CDH12: variants seen among roughly 807,000 people sequenced by gnomAD.
CDH12 encodes the protein cadherin 12, also known as cadherin-12.
Under a neutral mutation model 74.1 loss-of-function variants are expected in CDH12, and 41 were observed. The observed-to-expected ratio is 0.55, with a 90% CI of 0.43 to 0.72. The LOEUF (loss-of-function observed/expected upper bound fraction) is 0.72. CDH12 is among the 30% of genes least tolerant of loss of function. The probability of loss-of-function intolerance (pLI) is 0.00; values close to 1 mark genes in which losing one functional copy is unlikely to be tolerated. For missense variants in CDH12, 945 were observed against 977.2 expected, an observed-to-expected ratio of 0.97 and a Z score of 0.44; for synonymous variants, 399 against 355.0, an observed-to-expected ratio of 1.12 and a Z score of -1.39.
chr5:22,813,267 A>G (rs1749234923), intron 1 of CDH12, among the ~76,000 whole-genome samples: 1 of 152,176 alleles, frequency 6.6e-6, no homozygotes, highest in Admixed American at 6.5e-5. Flanking sequence ...TATCTTGGAC[A>G]GATTCCAAAT....
intron 1 of CDH12, among the ~76,000 whole-genome samples, chr5:22,777,123 A>G (rs1747143053): frequency 6.6e-6 from 1 of 152,086 alleles, no homozygotes; most frequent in African/African-American, 2.4e-5. Flanking sequence ...CTAGATAGCT[A>G]TGAGCTACCC....
intron 9 of CDH12, among the ~76,000 whole-genome samples, chr5:21,813,737 C>T (rs1747883458): frequency 6.6e-6 from 1 of 152,116 alleles, no homozygotes; most frequent in African/African-American, 2.4e-5. Context: ...ACTCACATCA[C>T]CCAAATACCA....
intron 3 of CDH12, among the ~76,000 whole-genome samples, chr5:22,328,220 A>T (rs867636308): frequency 3.0e-4 from 46 of 152,266 alleles, no homozygotes; most frequent in African/African-American, 6.0e-4. Context: ...TCAGTTTTTT[A>T]AAAAAATATA....
chr5:22,284,117 A>G (rs1737033870), intron 3 of CDH12, among the ~76,000 whole-genome samples: 1 of 152,214 alleles, frequency 6.6e-6, no homozygotes, highest in Non-Finnish European at 1.5e-5. Flanking sequence ...TCGATGTGAC[A>G]GAGTATAAAA....
intron 1 of CDH12, among the ~76,000 whole-genome samples, chr5:22,667,729 A>T (rs1351351060): frequency 6.6e-6 from 1 of 152,234 alleles, no homozygotes; most frequent in Admixed American, 6.5e-5. Flanking sequence ...TAAAAGCTTC[A>T]TGGAATTTTA....
chr5:22,810,464 C>T (rs1238482681), intron 1 of CDH12, among the ~76,000 whole-genome samples: 3 of 151,852 alleles, frequency 2.0e-5, no homozygotes, highest in Non-Finnish European at 4.4e-5. Flanking sequence ...CACTTTTATT[C>T]TCCCAGTGAA....
intron 3 of CDH12, among the ~76,000 whole-genome samples, chr5:22,246,116 A>T (rs1246761939): frequency 3.9e-5 from 6 of 152,202 alleles, no homozygotes; most frequent in African/African-American, 9.6e-5. Flanking sequence ...CAACAAAATT[A>T]TACAGTGGAT....
At chr5:22,789,035 A>G (rs1160671845) in intron 1 of CDH12, among the ~76,000 whole-genome samples, 4 of 152,092 alleles carry the variant, frequency 2.6e-5, no homozygotes, top group Non-Finnish European at 5.9e-5. Flanking sequence ...ATCAATAAGT[A>G]TTAGTCAAAT....
intron 1 of CDH12, among the ~76,000 whole-genome samples, chr5:22,625,515 G>C (rs1580828308): frequency 6.6e-6 from 1 of 152,160 alleles, no homozygotes; most frequent in Non-Finnish European, 1.5e-5. Context: ...CAAAGAATTT[G>C]GTTCAGGAAG....
intron 3 of CDH12, among the ~76,000 whole-genome samples, chr5:22,269,416 T>C (rs1056179688): frequency 2.6e-5 from 4 of 152,150 alleles, no homozygotes; most frequent in African/African-American, 9.7e-5. Flanking sequence ...ATTTTATTCA[T>C]GTGTTGTATA....
chr5:22,648,865 A>C (rs1309618054), intron 1 of CDH12, among the ~76,000 whole-genome samples: 1 of 151,996 alleles, frequency 6.6e-6, no homozygotes, highest in Non-Finnish European at 1.5e-5. Flanking sequence ...TAAGCAGAGA[A>C]TTATTTTTCT....
intron 6 of CDH12, among the ~76,000 whole-genome samples, chr5:21,895,838 A>G (rs925972559): frequency 2.0e-5 from 3 of 152,174 alleles, no homozygotes; most frequent in Non-Finnish European, 4.4e-5. Flanking sequence ...TACAGATAGG[A>G]AGATCCCCCA....
intron 3 of CDH12, among the ~76,000 whole-genome samples, chr5:22,295,559 A>C (rs910231093): frequency 1.3e-5 from 2 of 152,190 alleles, no homozygotes; most frequent in Non-Finnish European, 2.9e-5. Context: ...GAATATGAAC[A>C]AATATTTTTA....
intron 1 of CDH12, among the ~76,000 whole-genome samples, chr5:22,543,998 A>G (rs2126723106): frequency 6.6e-6 from 1 of 152,272 alleles, no homozygotes; most frequent in Admixed American, 6.5e-5. Context: ...CTCTTAGTCA[A>G]AAATCAAAGA....
Position 22,144,939 on chromosome 5 carries a change from T to C in CDH12, c.-186-66077A>G, listed in dbSNP as rs181859809. Among the ~76,000 whole-genome samples, 258 of 152,206 alleles carry C rather than the reference T, an allele frequency of 1.7e-3. 3 individuals are homozygous for C. Among genetic ancestry groups the C allele is most frequent in the African/African-American group, 6.1e-3 (254 of 41,562 alleles). On this transcript the variant is annotated intron_variant, in intron 4 of 14. Coordinates refer to ENST00000382254, the MANE Select transcript of CDH12 (RefSeq NM_004061.5). ...AGAGTCAAATCAGATTTCGGCAATG[T>C]TGTAGAATTTAACTGAATGCCCAGA...
chr5:22,379,879 A>T (rs1741686789), intron 3 of CDH12, among the ~76,000 whole-genome samples: 1 of 152,126 alleles, frequency 6.6e-6, no homozygotes, highest in South Asian at 2.1e-4. Context: ...TCAGCCTTCC[A>T]AGTAATTAGA....
intron 2 of CDH12, among the ~76,000 whole-genome samples, chr5:22,502,188 G>T (rs971021715): frequency 1.3e-5 from 2 of 152,152 alleles, no homozygotes; most frequent in South Asian, 4.1e-4. Context: ...GAGGCACCCA[G>T]TGGGAGGTAA....
At chr5:22,032,095 A>G (rs1738858651) in intron 5 of CDH12, among the ~76,000 whole-genome samples, 1 of 151,756 alleles carries the variant, frequency 6.6e-6, no homozygotes, top group East Asian at 1.9e-4. Context: ...AATATTATAA[A>G]TAGAAATATT....
Position 22,171,388 on chromosome 5 carries a change from G to A in CDH12, c.-187+41110C>T, listed in dbSNP as rs548904814. ...AAGATGTTGCTTAGATGTAATACCA[G>A]TGACTGACTGCTCCATAGTTATGAG... On this transcript the variant is annotated intron_variant, in intron 4 of 14. Transcript: ENST00000382254. Among the ~76,000 whole-genome samples the A allele has an allele frequency of 9.9e-5, 15 of 151,986 alleles. No homozygotes were observed. In the South Asian group the frequency reaches 3.1e-3, roughly 31 times the overall value.
Sources: gnomAD v4.1 joint callset for allele counts (sites outside exome capture counted in the v4.1 genomes callset) on GRCh38, gnomAD v4.1.1 for gene constraint, MANE v1.5 for transcripts, NCBI Gene and HGNC (gene_info 2026-07-23, HGNC 2026-07-21) for gene names.